Variants in CSMD3 observed in about 807,000 individuals in gnomAD.
CSMD3 encodes the protein CUB and Sushi multiple domains 3, also known as CUB and sushi domain-containing protein 3.
In CSMD3, 177 loss-of-function variants were observed where a neutral mutation model predicts 435.2. That is an observed-to-expected ratio of 0.41 (90% CI 0.36 to 0.46). The LOEUF (loss-of-function observed/expected upper bound fraction) is 0.46, where lower values mean the gene tolerates loss of function less well. Ranked by LOEUF, CSMD3 falls within the 20% of genes least tolerant of loss-of-function variation. CSMD3 has a pLI of 0.34. For missense variants in CSMD3, 4,265 were observed against 4,504.6 expected, an observed-to-expected ratio of 0.95 and a Z score of 1.52; for synonymous variants, 1,656 against 1,520.5, an observed-to-expected ratio of 1.09 and a Z score of -2.07.
At chr8:113,153,583 T>G (rs2131801771) in intron 4 of CSMD3, among the ~76,000 whole-genome samples, 1 of 152,058 alleles carries the variant, frequency 6.6e-6, no homozygotes, top group Non-Finnish European at 1.5e-5. Context: ...TAGATGGAAT[T>G]TAAAGGAATT....
chr8:113,027,997 T>G (rs2086939885), intron 5 of CSMD3, among the ~76,000 whole-genome samples: 1 of 152,202 alleles, frequency 6.6e-6, no homozygotes, highest in East Asian at 1.9e-4. Context: ...TTTTTTGCAT[T>G]TTTGTTTATT....
chr8:112,689,844 G>A, intron 14 of CSMD3, 24 bp downstream of exon 14: 1 of 1,600,216 alleles, frequency 6.2e-7, no homozygotes, highest in Non-Finnish European at 8.6e-7. Context: ...TATGCTATCT[G>A]GAAGCAAAGC....
chr8:112,655,822 A>T (rs1221152206), intron 18 of CSMD3, among the ~76,000 whole-genome samples: 1 of 152,074 alleles, frequency 6.6e-6, no homozygotes, highest in Non-Finnish European at 1.5e-5. Context: ...GTTATTGTTT[A>T]TATATATCTT....
chr8:113,067,942 T>C (rs535036763), intron 5 of CSMD3, among the ~76,000 whole-genome samples: 49 of 152,190 alleles, frequency 3.2e-4, no homozygotes, highest in Non-Finnish European at 5.7e-4. Context: ...CCCTGGTGGT[T>C]TGAAACATAA....
At chr8:112,478,967 T>C (rs962613841) in intron 31 of CSMD3, among the ~76,000 whole-genome samples, 18 of 152,264 alleles carry the variant, frequency 1.2e-4, no homozygotes, top group Admixed American at 1.1e-3. Flanking sequence ...ACTGTGAGAT[T>C]GGGGTACCAC....
At chr8:113,333,347 G>C (rs2094042783) in intron 1 of CSMD3, among the ~76,000 whole-genome samples, 1 of 151,412 alleles carries the variant, frequency 6.6e-6, no homozygotes, top group South Asian at 2.1e-4. Context: ...ACTAATTATT[G>C]TTCACCTATT....
At chr8:112,555,765 C>T (rs1472715493) in intron 25 of CSMD3, among the ~76,000 whole-genome samples, 1 of 151,874 alleles carries the variant, frequency 6.6e-6, no homozygotes, top group Non-Finnish European at 1.5e-5. Flanking sequence ...TATGGCAATT[C>T]CTATGCTGAC....
intron 12 of CSMD3, among the ~76,000 whole-genome samples, chr8:112,802,804 C>T (rs988040918): frequency 6.6e-6 from 1 of 151,456 alleles, no homozygotes; most frequent in Non-Finnish European, 1.5e-5. Context: ...CTGGATAGAC[C>T]ACTCTCTCCA....
intron 9 of CSMD3, among the ~76,000 whole-genome samples, chr8:112,929,262 G>C (rs2083019508): frequency 6.7e-6 from 1 of 148,578 alleles, no homozygotes; most frequent in African/African-American, 2.5e-5. Flanking sequence ...AGCATTGGGA[G>C]ATATACCTAA....
At chr8:113,205,312 C>T (rs1033153094) in intron 3 of CSMD3, among the ~76,000 whole-genome samples, 2 of 152,066 alleles carry the variant, frequency 1.3e-5, no homozygotes, top group Admixed American at 1.3e-4. Flanking sequence ...ACCATCAGAT[C>T]TCATGAGAGT....
intron 24 of CSMD3, among the ~76,000 whole-genome samples, chr8:112,557,967 C>T (rs1253955199): frequency 6.6e-6 from 1 of 151,868 alleles, no homozygotes; most frequent in African/African-American, 2.4e-5. Flanking sequence ...GATTGAGCCC[C>T]TAAACTGTGG....
chr8:113,230,185 G>T (rs1156787334), intron 3 of CSMD3, among the ~76,000 whole-genome samples: 1 of 151,624 alleles, frequency 6.6e-6, no homozygotes, highest in African/African-American at 2.4e-5. Context: ...CCATTAAATA[G>T]TTTATCTCAA....
At chr8:113,310,199 C>T (rs1260310769) in intron 2 of CSMD3, 3 of 151,940 alleles carry the variant, frequency 2.0e-5, no homozygotes, top group Non-Finnish European at 4.4e-5. Flanking sequence ...TTCTCTTCCA[C>T]TTTGAGAAAA....
At chr8:113,218,848 T>C (rs931634666) in intron 3 of CSMD3, among the ~76,000 whole-genome samples, 3 of 151,318 alleles carry the variant, frequency 2.0e-5, no homozygotes, top group African/African-American at 4.8e-5. Context: ...AATAATGAGA[T>C]ATCTTGGGGA....
chr8:113,014,872 AAAG>A (rs1398767734), intron 6 of CSMD3, among the ~76,000 whole-genome samples: 1 of 152,148 alleles, frequency 6.6e-6, no homozygotes, highest in Non-Finnish European at 1.5e-5. Context: ...AGAGTCAAAA[AAAG>A]AAGAAGTCTT....
At chr8:112,715,773 C>T (rs2076711995) in intron 13 of CSMD3, among the ~76,000 whole-genome samples, 2 of 152,164 alleles carry the variant, frequency 1.3e-5, no homozygotes, top group Admixed American at 6.6e-5. Context: ...GTTCAACATA[C>T]ACAAACCGGC....
intron 1 of CSMD3, among the ~76,000 whole-genome samples, chr8:113,428,862 T>G (rs1183609029): frequency 1.3e-5 from 2 of 151,894 alleles, no homozygotes; most frequent in South Asian, 2.1e-4. Context: ...TTTACAAACT[T>G]CCTCTCAAAG....
At chr8:112,917,205 T>A (rs1587664910) in intron 10 of CSMD3, among the ~76,000 whole-genome samples, 1 of 152,108 alleles carries the variant, frequency 6.6e-6, no homozygotes, top group Admixed American at 6.6e-5. Flanking sequence ...TATTTTGTTC[T>A]TTTTGAGGTG....
At chr8:112,723,317 G>C (rs2076899860) in intron 13 of CSMD3, among the ~76,000 whole-genome samples, 1 of 152,050 alleles carries the variant, frequency 6.6e-6, no homozygotes, top group African/African-American at 2.4e-5. Context: ...AAACTATCCT[G>C]TCACTGTGCC....
Sources: allele counts gnomAD v4.1 joint callset (sites outside exome capture counted in the v4.1 genomes callset), GRCh38; gene constraint gnomAD v4.1.1; transcripts MANE v1.5; gene names NCBI Gene and HGNC (gene_info 2026-07-23, HGNC 2026-07-21).